The following MAP3K7CL variants were observed in gnomAD, a reference collection of about 807,000 sequenced individuals.
MAP3K7CL encodes the protein MAP3K7 C-terminal like.
Under a neutral mutation model 18.6 loss-of-function variants are expected in MAP3K7CL, and 16 were observed. The ratio of observed to expected loss-of-function variants is 0.86; its 90% CI spans 0.58 to 1.31. MAP3K7CL has a LOEUF of 1.31. MAP3K7CL is among the 50% of genes most tolerant of loss of function. MAP3K7CL has a pLI of 0.00. For missense variants in MAP3K7CL, 163 were observed against 174.4 expected (o/e 0.93, Z 0.37); for synonymous variants, 65 against 66.8 (o/e 0.97, Z 0.13).
intron 4 of MAP3K7CL, among the ~76,000 whole-genome samples, chr21:29,120,101 T>G (rs577614304): frequency 5.3e-5 from 8 of 152,330 alleles, no homozygotes; most frequent in African/African-American, 1.9e-4. Context: ...ATGAAAACAG[T>G]TCTGGTTATT....
At chr21:29,091,438 C>A (rs1375329384) in intron 1 of MAP3K7CL, 1 of 622,032 alleles carries the variant, frequency 1.6e-6, no homozygotes, top group East Asian at 2.7e-5. Context: ...AAAAGTCCTT[C>A]AATTTTATTT....
chr21:29,090,743 C>A (rs917158648), intron 1 of MAP3K7CL, among the ~76,000 whole-genome samples: 1 of 151,856 alleles, frequency 6.6e-6, no homozygotes, highest in African/African-American at 2.4e-5. Context: ...GATCATCAAG[C>A]CTGTGGCCTT....
intron 4 of MAP3K7CL, among the ~76,000 whole-genome samples, chr21:29,117,817 T>A (rs1457072355): frequency 1.3e-5 from 2 of 152,302 alleles, no homozygotes; most frequent in East Asian, 3.9e-4. Flanking sequence ...GTACCAAATA[T>A]CCGATGACTA....
At chr21:29,087,671 G>A (rs150958576) in intron 1 of MAP3K7CL, among the ~76,000 whole-genome samples, 1,543 of 140,060 alleles carry the variant, frequency 0.011, 16 homozygotes, top group Middle Eastern at 0.066. Context: ...TCCGCTCACT[G>A]CAAGCTCCGC....
At chr21:29,169,009 T>C (rs2735962) in intron 4 of MAP3K7CL, among the ~76,000 whole-genome samples, 130,837 of 152,174 alleles carry the variant, frequency 0.86, 56,439 homozygotes, top group South Asian at 0.92. Flanking sequence ...TGGTTCTTAA[T>C]CAGGAAATTC....
At chr21:29,099,250 C>G (rs1021207628) in intron 4 of MAP3K7CL, among the ~76,000 whole-genome samples, 1 of 150,430 alleles carries the variant, frequency 6.6e-6, no homozygotes, top group African/African-American at 2.5e-5. Flanking sequence ...ACCACTGTAC[C>G]CAGCTAATTG....
intron 4 of MAP3K7CL, among the ~76,000 whole-genome samples, chr21:29,163,098 G>A (rs2087594086): frequency 6.6e-6 from 1 of 152,072 alleles, no homozygotes; most frequent in South Asian, 2.1e-4. Context: ...GTGACGGAGT[G>A]AGACTGTCTC....
At chr21:29,145,628 C>T (rs991332456) in intron 2 of MAP3K7CL, 1 of 152,222 alleles carries the variant, frequency 6.6e-6, no homozygotes, top group African/African-American at 2.4e-5. Flanking sequence ...TTCGCAAGCC[C>T]TGAAACTTCT....
chr21:29,132,511 T>C (rs1047187122), intron 1 of MAP3K7CL, among the ~76,000 whole-genome samples: 1 of 152,120 alleles, frequency 6.6e-6, no homozygotes, highest in Admixed American at 6.5e-5. Flanking sequence ...TGGTATTCTT[T>C]ATTTATTTAT....
chr21:29,107,350 T>C (rs528008797), intron 4 of MAP3K7CL, among the ~76,000 whole-genome samples: 12 of 152,024 alleles, frequency 7.9e-5, no homozygotes, highest in African/African-American at 2.9e-4. Flanking sequence ...AAGTCTGACT[T>C]ATAAAGAAAA....
intron 4 of MAP3K7CL, among the ~76,000 whole-genome samples, chr21:29,106,325 A>G (rs564138064): frequency 1.3e-5 from 2 of 152,222 alleles, no homozygotes; most frequent in South Asian, 4.2e-4. Context: ...CTGGGACTAC[A>G]GGCATGCACC....
At chr21:29,127,601 A>G (rs970977875), upstream of MAP3K7CL, 4 of 149,500 alleles carry the variant, frequency 2.7e-5, no homozygotes, top group Non-Finnish European at 5.9e-5. Context: ...ATTCAGAAAG[A>G]GAACATTTAG....
At chr21:29,096,514 A>T (rs1000108321) in intron 4 of MAP3K7CL, among the ~76,000 whole-genome samples, 21 of 152,244 alleles carry the variant, frequency 1.4e-4, no homozygotes, top group Non-Finnish European at 1.9e-4. Context: ...TTAAGCTGAG[A>T]TCTGAAGGCA....
intron 4 of MAP3K7CL, among the ~76,000 whole-genome samples, chr21:29,161,556 T>G (rs548363098): frequency 1.3e-5 from 2 of 152,228 alleles, no homozygotes; most frequent in East Asian, 3.9e-4. Flanking sequence ...TTCATTAATA[T>G]AGATATGAAA....
chr21:29,083,917 CTG>C (rs2085879657), upstream of MAP3K7CL, among the ~76,000 whole-genome samples: 1 of 147,654 alleles, frequency 6.8e-6, no homozygotes. Context: ...ATATATATCT[CTG>C]TTTTACTAAT....
At chr21:29,085,845 C>T, upstream of MAP3K7CL, 1 of 1,613,944 alleles carries the variant, frequency 6.2e-7, no homozygotes, top group Non-Finnish European at 8.5e-7. Context: ...AAATTACTGT[C>T]ATGCAAAGCG....
upstream of MAP3K7CL, among the ~76,000 whole-genome samples, chr21:29,084,111 A>T (rs2085885526): frequency 6.7e-6 from 1 of 149,794 alleles, no homozygotes; most frequent in African/African-American, 2.4e-5. Context: ...TAGTTTATGA[A>T]TTCACAGATG....
At chr21:29,140,293 G>T (rs976523107) in intron 2 of MAP3K7CL, among the ~76,000 whole-genome samples, 4 of 152,098 alleles carry the variant, frequency 2.6e-5, no homozygotes, top group African/African-American at 9.7e-5. Context: ...AGATACTATG[G>T]GATTTATTGG....
upstream of MAP3K7CL, chr21:29,128,165 C>A (rs1490481396): frequency 6.6e-6 from 1 of 152,198 alleles, no homozygotes; most frequent in Non-Finnish European, 1.5e-5. Context: ...CTTTGATTTT[C>A]TTGGGGTGGA....
Sources: gnomAD v4.1 joint callset for allele counts (sites outside exome capture counted in the v4.1 genomes callset) on GRCh38, gnomAD v4.1.1 for gene constraint, MANE v1.5 for transcripts, NCBI Gene and HGNC (gene_info 2026-07-23, HGNC 2026-07-21) for gene names.